Variants in UNC45B observed in about 807,000 individuals in gnomAD.
UNC45B encodes the protein unc-45 myosin chaperone B, also known as protein unc-45 homolog B.
UNC45B carries 78 observed loss-of-function variants against 98.7 expected under a neutral mutation model. The ratio of observed to expected loss-of-function variants is 0.79; its 90% CI spans 0.66 to 0.95. UNC45B has a LOEUF of 0.95. Among genes scored for constraint, UNC45B ranks in the 40% least tolerant of loss-of-function variants. The pLI, the probability that UNC45B is intolerant of heterozygous loss-of-function variation, is 0.00. For synonymous variants in UNC45B, 462 were observed against 480.4 expected (o/e 0.96, Z 0.50); for missense variants, 1,225 against 1,184.9 (o/e 1.03, Z -0.50).
chr17:35,180,253 TGAGA>T (rs56300196), intron 17 of UNC45B, among the ~76,000 whole-genome samples: 230 of 139,924 alleles, frequency 1.6e-3, no homozygotes, highest in Middle Eastern at 7.0e-3. Flanking sequence ...ACATCCAGGA[TGAGA>T]GAGAGAGAGA....
chr17:35,173,108 A>G (rs2092199655), intron 13 of UNC45B, among the ~76,000 whole-genome samples: 1 of 149,964 alleles, frequency 6.7e-6, no homozygotes, highest in African/African-American at 2.5e-5. Context: ...ACTGTGGCCT[A>G]AAACGCAATT....
At position 35,178,243 on chromosome 17, in the gene UNC45B, G is replaced by A. The variant is rs535075419; in HGVS notation, c.2255+633G>A. Among the ~76,000 whole-genome samples the A allele has an allele frequency of 5.9e-5, 9 of 152,302 alleles. No individual in the cohort carries two copies. The East Asian group carries it at 7.7e-4, about 13-fold the overall frequency. Reference sequence around the variant, plus strand: ...AGTAATGATCACCATTCTAACTGGCGTGAGATGGTGTCTCATTGTGGTTTT... The same window carrying A: ...AGTAATGATCACCATTCTAACTGGCATGAGATGGTGTCTCATTGTGGTTTT... On this transcript the variant is annotated intron_variant, in intron 17 of 19. Transcript: ENST00000394570.
rs200275848 is a variant in UNC45B at position 35,168,256 on chromosome 17, C to T, written c.1347C>T (p.Ser449=). 1.9e-6 allele frequency: 3 copies of T among 1,568,708 alleles called. No homozygotes were observed. Among genetic ancestry groups the T allele is most frequent in the Non-Finnish European group, 2.6e-6 (3 of 1,157,514 alleles). Residue 449 remains serine, a synonymous_variant, in exon 10 of 20, where the codon TCC becomes TCT. Transcript: ENST00000394570. ...LVAVEALIHA[S]TKLSRATFII... ...CCGTGGAGGCCCTCATCCATGCCTC[C>T]ACGAAGCTCAGCCGCGCCACCTTCA...
At chr17:35,175,923 G>C in intron 14 of UNC45B, 45 bp from the exon 15 acceptor site, 1 of 1,577,916 alleles carries the variant, frequency 6.3e-7, no homozygotes, top group Non-Finnish European at 8.7e-7. Context: ...GCCTGGGAAG[G>C]TGTGCTGGTG....
chr17:35,150,344 A>G, intron 4 of UNC45B, 121 bp downstream of exon 4: 1 of 1,099,502 alleles, frequency 9.1e-7, no homozygotes, highest in Non-Finnish European at 1.3e-6. Flanking sequence ...ACTCTGAGAT[A>G]GAGACAGCAA....
In UNC45B at chr17:35,174,273, A is replaced by C. The variant is rs2092210543; in HGVS notation, c.1862A>C (p.Lys621Thr). The change falls in exon 14 of 20, where the codon AAG becomes ACG. Residue 621 changes from lysine (K) to threonine (T), a missense_variant. Coordinates refer to ENST00000394570, the MANE Select transcript of UNC45B (RefSeq NM_001267052.2). Reference protein sequence around the residue: ...DKKDFIDMRVKRLLKAGVISA... With the variant: ...DKKDFIDMRVTRLLKAGVISA... Reference sequence around the variant, plus strand: ...AAGGACTTTATAGACATGCGGGTGAAGCGGCTTCTGAAGGCGGGTGTCATC... The same window carrying C: ...AAGGACTTTATAGACATGCGGGTGACGCGGCTTCTGAAGGCGGGTGTCATC... 6.2e-7 allele frequency: 1 copy of C among 1,614,170 alleles called. No individual in the cohort carries two copies. Among genetic ancestry groups the C allele is most frequent in the Non-Finnish European group, 8.5e-7 (1 of 1,180,024 alleles).
intron 9 of UNC45B, 36 bp from the exon 10 acceptor site, chr17:35,168,025 A>T: frequency 7.0e-7 from 1 of 1,426,156 alleles, no homozygotes; most frequent in Non-Finnish European, 9.2e-7. Flanking sequence ...ACTCTCTTGG[A>T]CCAGTTCTCT....
intron 12 of UNC45B, among the ~76,000 whole-genome samples, chr17:35,170,770 G>A (rs115792969): frequency 0.012 from 1,769 of 152,174 alleles, 42 homozygotes; most frequent in African/African-American, 0.04. Flanking sequence ...TTGGGAGATC[G>A]AGGCTGCAGT....
intron 18 of UNC45B, among the ~76,000 whole-genome samples, chr17:35,182,692 C>T (rs1406486334): frequency 6.6e-6 from 1 of 152,108 alleles, no homozygotes; most frequent in African/African-American, 2.4e-5. Context: ...CTCTCACCTC[C>T]CATGACCACT....
intron 9 of UNC45B, among the ~76,000 whole-genome samples, chr17:35,166,107 A>AAAAAAAAAAAAAAAAAAAG (rs1567760467): frequency 4.0e-5 from 6 of 148,414 alleles, no homozygotes; most frequent in African/African-American, 1.5e-4. Flanking sequence ...AAAAAAAAAA[A>AAAAAAAAAAAAAAAAAAAG]AAAATTAAAA....
chr17:35,154,597 A>G lies in UNC45B; in HGVS notation c.495A>G (p.Leu165=). Residue 165 remains leucine (L), a synonymous_variant, in exon 6 of 20, where the codon CTA becomes CTG. Coordinates refer to ENST00000394570, the MANE Select transcript of UNC45B (RefSeq NM_001267052.2). ...AGGCTGCCAACAATCTCATTGTCCT[A>G]GGCCGTGAGGAAGCAGGGGCTGAGA... ...REKAANNLIV[L]GREEAGAEKI... The G allele has an allele frequency of 6.2e-7, 1 of 1,613,544 alleles. No homozygotes were observed.
chr17:35,174,598 T>C (rs919375408), intron 14 of UNC45B, among the ~76,000 whole-genome samples: 1 of 152,110 alleles, frequency 6.6e-6, no homozygotes, highest in Non-Finnish European at 1.5e-5. Context: ...GGTGGGAGGA[T>C]TGCTTGAGCC....
chr17:35,177,147 A>G lies in UNC45B; in HGVS notation c.2139+17A>G. Reference sequence around the variant, plus strand: ...GGGGAGCGGGTAGGTGCTTGGGTAGATGGGATAGGGCAATGGGAGGGGTCT... The same window carrying G: ...GGGGAGCGGGTAGGTGCTTGGGTAGGTGGGATAGGGCAATGGGAGGGGTCT... On this transcript the variant is annotated intron_variant, in intron 16 of 19. Transcript: ENST00000394570. 1 of 1,609,048 alleles carries G rather than the reference A, an allele frequency of 6.2e-7. No individual in the cohort carries two copies. Among genetic ancestry groups the G allele is most frequent in the Non-Finnish European group, 8.5e-7 (1 of 1,175,522 alleles).
chr17:35,151,742 A>G (rs1007629856), intron 4 of UNC45B, among the ~76,000 whole-genome samples: 1 of 152,220 alleles, frequency 6.6e-6, no homozygotes, highest in Admixed American at 6.5e-5. Flanking sequence ...CTGAGGAAAT[A>G]TAAACTAAGG....
At chr17:35,175,081 A>AAAGAAAG (rs1567766017) in intron 14 of UNC45B, among the ~76,000 whole-genome samples, 1 of 98,122 alleles carries the variant, frequency 1.0e-5, no homozygotes, top group South Asian at 3.7e-4. Context: ...GAAAGAAAGA[A>AAAGAAAG]AGAAAGAGAA....
In UNC45B at chr17:35,187,859, C is replaced by G. The variant is rs1281898744; in HGVS notation, c.*1300C>G. The G allele has an allele frequency of 6.6e-6, 1 of 152,218 alleles. No individual in the cohort carries two copies. The highest frequency in any genetic ancestry group is 1.5e-5 in the Non-Finnish European group (1 of 68,034). 9.4% of individuals were successfully genotyped at this position (152,218 alleles called of 1,614,324 possible). On this transcript the variant is annotated 3_prime_UTR_variant, in exon 20 of 20. Transcript: ENST00000394570. ...ACTGTCACTCCAGTATGTCCCAATT[C>G]TACCTACGTTTATTGAAGGGTCAAC... is the stretch of plus-strand genomic sequence containing the variant.
intron 8 of UNC45B, among the ~76,000 whole-genome samples, chr17:35,162,595 C>CT (rs531045437): frequency 0.051 from 7,475 of 147,814 alleles, 301 homozygotes; most frequent in Admixed American, 0.14. Flanking sequence ...CTTCCAGGCA[C>CT]TTTTTTTTTT....
At position 35,159,489 on chromosome 17, in the gene UNC45B, C is replaced by G; in HGVS notation, c.923C>G (p.Pro308Arg). The change falls in exon 8 of 20, where the codon CCC becomes CGC. Residue 308 changes from proline to arginine, a missense_variant. By Grantham distance (103) the Pro-to-Arg change is moderately radical (BLOSUM62 -2). Transcript: ENST00000394570. ...CTGAACCTGCTCAATAAGAATGTTC[C>G]CAGGAAGGACCTTGCCATTCATGAC... ...QALNLLNKNVPRKDLAIHDNS... is the reference protein window; with the variant it reads ...QALNLLNKNVRRKDLAIHDNS... 1 of 1,614,090 alleles carries G rather than the reference C, an allele frequency of 6.2e-7. No individual in the cohort carries two copies. Among genetic ancestry groups the G allele is most frequent in the Non-Finnish European group, 8.5e-7 (1 of 1,180,008 alleles).
At chr17:35,165,874 G>A (rs1168242380) in intron 9 of UNC45B, among the ~76,000 whole-genome samples, 1 of 151,918 alleles carries the variant, frequency 6.6e-6, no homozygotes, top group Non-Finnish European at 1.5e-5. Flanking sequence ...AGGAGGTAGA[G>A]GTTGTAGTGA....
Sources: allele counts gnomAD v4.1 joint callset (sites outside exome capture counted in the v4.1 genomes callset), GRCh38; gene constraint gnomAD v4.1.1; transcripts MANE v1.5; gene names NCBI Gene and HGNC (gene_info 2026-07-23, HGNC 2026-07-21).